The following ADCY1 variants were observed in gnomAD, a reference collection of about 807,000 sequenced individuals.
ADCY1 encodes adenylate cyclase type 1.
ADCY1 carries 28 observed loss-of-function variants against 105.4 expected under a neutral mutation model. The ratio of observed to expected loss-of-function variants is 0.27; its 90% confidence interval spans 0.20 to 0.36. ADCY1 has a LOEUF of 0.36. ADCY1 is among the 10% of genes least tolerant of loss of function. The pLI is 1.00. For synonymous variants in ADCY1, 655 were observed against 623.8 expected (o/e 1.05, Z -0.75); for missense variants, 977 against 1,434.2 (o/e 0.68, Z 5.15).
intron 8 of ADCY1, among the ~76,000 whole-genome samples, chr7:45,672,204 C>T (rs1356089897): frequency 6.6e-6 from 1 of 152,124 alleles, no homozygotes; most frequent in Non-Finnish European, 1.5e-5. Context: ...AGCTATCCTT[C>T]CTCCATTGAA....
chr7:45,664,422 A>G (rs988152639), intron 8 of ADCY1: 2 of 1,535,392 alleles, frequency 1.3e-6, no homozygotes, highest in African/African-American at 1.4e-5. Flanking sequence ...TGCAAGGATG[A>G]GCTCCTGCCA....
chr7:45,648,828 C>T (rs1794738378), intron 5 of ADCY1, 31 bp downstream of exon 5: 4 of 1,609,178 alleles, frequency 2.5e-6, no homozygotes, highest in South Asian at 1.1e-5. Flanking sequence ...AGAGGAGTGG[C>T]CTGGGGCATC....
intron 2 of ADCY1, among the ~76,000 whole-genome samples, chr7:45,602,118 G>A (rs1280714215): frequency 6.6e-6 from 1 of 151,912 alleles, no homozygotes; most frequent in Non-Finnish European, 1.5e-5. Flanking sequence ...AGGCATTCAG[G>A]CAGCAAATTG....
At chr7:45,612,911 T>C (rs940926921) in intron 3 of ADCY1, among the ~76,000 whole-genome samples, 1 of 152,136 alleles carries the variant, frequency 6.6e-6, no homozygotes, top group Non-Finnish European at 1.5e-5. Flanking sequence ...GCTGCCTGCT[T>C]TTCCCTCAGG....
Position 45,718,736 on chromosome 7 carries a change from C to G in ADCY1, c.*4741C>G, listed in dbSNP as rs1785406235. 6.6e-6 allele frequency: 1 copy of G among 152,374 alleles called. No homozygotes were observed. The highest frequency in any genetic ancestry group is 1.5e-5 in the Non-Finnish European group (1 of 68,208). The allele number at this position is 152,374 out of a possible 1,614,324, so 9.4% of individuals were successfully genotyped here. A position where few individuals can be genotyped will look rare whatever the true frequency, so the allele number is the denominator to read the frequency against. ...GGGTGGGCTGAGACCAGCATCCCAG[C>G]TGGACTGAGCCTGGGGGGAGGGGCT... On this transcript the variant is annotated 3_prime_UTR_variant, in exon 20 of 20. Transcript: ENST00000297323.
chr7:45,648,624 C>A (rs1163616233), intron 4 of ADCY1, 46 bp from the exon 5 acceptor site: 1 of 1,611,298 alleles, frequency 6.2e-7, no homozygotes, highest in Non-Finnish European at 8.5e-7. Context: ...GCGCTCACAG[C>A]CTCTGTAGCG....
At chr7:45,661,613 G>A in intron 7 of ADCY1, among the ~76,000 whole-genome samples, 1 of 152,118 alleles carries the variant, frequency 6.6e-6, no homozygotes, top group East Asian at 1.9e-4. Context: ...GACTGTGAGG[G>A]AATTGAGGTT....
At chr7:45,698,617 G>T (rs896306274) in intron 14 of ADCY1, among the ~76,000 whole-genome samples, 1 of 152,124 alleles carries the variant, frequency 6.6e-6, no homozygotes, top group Non-Finnish European at 1.5e-5. Flanking sequence ...CGGGGGCCCT[G>T]GTGTTCAGAT....
intron 3 of ADCY1, among the ~76,000 whole-genome samples, chr7:45,614,494 G>T (rs368329085): frequency 6.6e-6 from 1 of 152,066 alleles, no homozygotes; most frequent in Non-Finnish European, 1.5e-5. Context: ...AAAGAACTCC[G>T]AGACTAATAG....
intron 4 of ADCY1, among the ~76,000 whole-genome samples, chr7:45,646,682 C>T (rs1425186895): frequency 1.3e-5 from 2 of 152,210 alleles, no homozygotes; most frequent in Non-Finnish European, 2.9e-5. Context: ...GCTCCCGGGC[C>T]CCTGCCACAG....
chr7:45,661,958 GC>G, intron 7 of ADCY1, 100 bp from the exon 8 acceptor site: 1 of 1,410,936 alleles, frequency 7.1e-7, no homozygotes, highest in Non-Finnish European at 9.8e-7. Flanking sequence ...GAATCCCAGT[GC>G]CCTGGGGTGG....
intron 19 of ADCY1, among the ~76,000 whole-genome samples, chr7:45,711,937 A>ATATAAATATATTTATATATTATATTAAAT (rs1785255269): frequency 8.5e-6 from 1 of 117,116 alleles, no homozygotes; most frequent in South Asian, 2.4e-4. Context: ...TATATTAAAT[A>ATATAAATATATTTATATATTATATTAAAT]TATAAATACA....
chr7:45,655,410 A>G (rs1320896676), intron 5 of ADCY1, among the ~76,000 whole-genome samples: 3 of 152,256 alleles, frequency 2.0e-5, no homozygotes, highest in Non-Finnish European at 4.4e-5. Context: ...CAAGTAAAGA[A>G]AAAACATAGT....
chr7:45,625,156 T>C (rs1794016132), intron 4 of ADCY1, among the ~76,000 whole-genome samples: 1 of 152,236 alleles, frequency 6.6e-6, no homozygotes, highest in Non-Finnish European at 1.5e-5. Flanking sequence ...CCTTGGCTTC[T>C]GCTGTTCCTT....
chr7:45,637,945 A>G (rs1390250428), intron 4 of ADCY1, among the ~76,000 whole-genome samples: 1 of 152,184 alleles, frequency 6.6e-6, no homozygotes, highest in African/African-American at 2.4e-5. Flanking sequence ...TGTCTCCAAT[A>G]AGAAGTCTAC....
chr7:45,702,191 G>A (rs1463611105), intron 14 of ADCY1, among the ~76,000 whole-genome samples: 2 of 152,228 alleles, frequency 1.3e-5, no homozygotes, highest in Admixed American at 6.5e-5. Flanking sequence ...GCTCAGCTCT[G>A]ATAATATCAG....
intron 14 of ADCY1, among the ~76,000 whole-genome samples, chr7:45,689,771 C>T (rs1445532092): frequency 2.6e-5 from 4 of 152,216 alleles, no homozygotes; most frequent in Non-Finnish European, 5.9e-5. Context: ...CTGACTGCGG[C>T]CACAGTGGGT....
rs183407690 is a variant in ADCY1, at chr7:45,647,979, C to T, written c.1021-691C>T. Among the ~76,000 whole-genome samples, 3 of 152,310 alleles carry T rather than the reference C, an allele frequency of 2.0e-5. No homozygotes were observed. Among genetic ancestry groups the T allele is most frequent in the Admixed American group, 6.5e-5 (1 of 15,306 alleles). On this transcript the variant is annotated intron_variant, in intron 4 of 19. Transcript: ENST00000297323. The surrounding 1 kb of genome is among the most constrained non-coding windows in gnomAD (Gnocchi z 4.6). ...TTGTCCCTGAAATAAACACAACAGT[C>T]GTGATGATAATCCCAGTTGACACTG...
At chr7:45,626,776 G>A (rs1201691969) in intron 4 of ADCY1, among the ~76,000 whole-genome samples, 3 of 152,228 alleles carry the variant, frequency 2.0e-5, no homozygotes, top group Admixed American at 6.5e-5. Flanking sequence ...TGACCACATG[G>A]GAGCAGAGGG....
Sources: gnomAD v4.1 joint callset for allele counts (sites outside exome capture counted in the v4.1 genomes callset) on GRCh38, gnomAD v4.1.1 for gene constraint, Gnocchi (gnomAD v3.1) non-coding constraint, MANE v1.5 for transcripts, NCBI Gene and HGNC (gene_info 2026-07-23, HGNC 2026-07-21) for gene names.